Variants in SPRY3 observed in about 807,000 individuals in gnomAD.
SPRY3 encodes sprouty RTK signaling antagonist 3, also known as protein sprouty homolog 3.
A neutral mutation model predicts 20.2 loss-of-function variants in SPRY3; 15 were observed. The observed-to-expected ratio is 0.74, with a 90% CI of 0.50 to 1.14. The LOEUF (loss-of-function observed/expected upper bound fraction) is 1.14. SPRY3 is among the 50% of genes most tolerant of loss of function. SPRY3 has a pLI of 0.00. For missense variants in SPRY3, 364 were observed against 363.9 expected (o/e 1.00, Z 0.00); for synonymous variants, 143 against 136.5 (o/e 1.05, Z -0.33).
chrX:155,720,158 C>A (rs2091047247), intron 2 of SPRY3, among the ~76,000 whole-genome samples: 1 of 152,128 alleles, frequency 6.6e-6, no homozygotes, highest in South Asian at 2.1e-4. Context: ...AGTAGTCTGA[C>A]AATACTCCTC....
chrX:155,638,428 C>T (rs2067931545), intron 1 of SPRY3, among the ~76,000 whole-genome samples: 1 of 98,877 alleles, frequency 1.0e-5, no homozygotes, highest in Non-Finnish European at 2.0e-5. Flanking sequence ...TCTGCAGTGC[C>T]ACCTTTGTAA....
chrX:155,692,343 T>C (rs1056907528), intron 2 of SPRY3, among the ~76,000 whole-genome samples: 4 of 111,386 alleles, frequency 3.6e-5, no homozygotes, highest in African/African-American at 1.3e-4. Context: ...CGTTGAATCT[T>C]TGTAGAAAAT....
intron 2 of SPRY3, among the ~76,000 whole-genome samples, chrX:155,672,527 G>T (rs192928198): frequency 0.045 from 4,938 of 110,940 alleles, 282 homozygotes; most frequent in African/African-American, 0.16. Context: ...ACCATCTCAC[G>T]CCAGGTAGAA....
chrX:155,765,839 T>C (rs2091324645), intron 2 of SPRY3, among the ~76,000 whole-genome samples: 1 of 152,204 alleles, frequency 6.6e-6, no homozygotes, highest in Non-Finnish European at 1.5e-5. Context: ...AACAATTTCT[T>C]AACATTCATA....
intron 1 of SPRY3, among the ~76,000 whole-genome samples, chrX:155,638,326 A>AAAGTT (rs1569562429): frequency 2.2e-3 from 3 of 1,357 alleles, no homozygotes; most frequent in Non-Finnish European, 5.8e-3. Context: ...ATATATATAT[A>AAAGTT]TATATATATA....
chrX:155,766,402 G>C (rs1489414930), intron 2 of SPRY3, among the ~76,000 whole-genome samples: 1 of 152,120 alleles, frequency 6.6e-6, no homozygotes, highest in African/African-American at 2.4e-5. Flanking sequence ...GAAGAAAATT[G>C]CTAAGGTCAC....
chrX:155,765,715 A>T (rs935288662), intron 2 of SPRY3, among the ~76,000 whole-genome samples: 1 of 152,206 alleles, frequency 6.6e-6, no homozygotes. Flanking sequence ...AGAGTAAAGG[A>T]GGGAAAGGAA....
At chrX:155,729,315 C>CA (rs893176311) in intron 2 of SPRY3, among the ~76,000 whole-genome samples, 14 of 151,510 alleles carry the variant, frequency 9.2e-5, no homozygotes, top group African/African-American at 3.1e-4. Context: ...TTTGGGGTAA[C>CA]AAAAAAAGGC....
chrX:155,704,888 T>G (rs2090939205), intron 2 of SPRY3, among the ~76,000 whole-genome samples: 1 of 151,492 alleles, frequency 6.6e-6, no homozygotes, highest in Admixed American at 6.6e-5. Context: ...GAATAATTTG[T>G]CAACCCAGGA....
intron 3 of SPRY3, among the ~76,000 whole-genome samples, chrX:155,773,307 G>GTTTTATATATATATATATATAT (rs4013148): frequency 8.3e-6 from 1 of 120,740 alleles, no homozygotes; most frequent in African/African-American, 3.1e-5. Flanking sequence ...ATTTTGATTG[G>GTTTTATATATATATATATATAT]ATATATATAT....
intron 3 of SPRY3, among the ~76,000 whole-genome samples, chrX:155,768,654 C>T (rs2091362555): frequency 6.6e-6 from 1 of 152,112 alleles, no homozygotes; most frequent in Non-Finnish European, 1.5e-5. Context: ...ACGGCAGAAC[C>T]CCCCACTTAC....
chrX:155,622,284 G>A (rs1184135770), intron 1 of SPRY3, among the ~76,000 whole-genome samples: 1 of 112,240 alleles, frequency 8.9e-6, no homozygotes, highest in Non-Finnish European at 1.9e-5. Context: ...CATCCCTGAA[G>A]GATTGTGGGT....
In SPRY3 at chrX:155,649,985, A is replaced by G. The variant is rs1180642963; in HGVS notation, c.-440-6882A>G. ...CTATATACCAATAATAGAGAGCCAAATCATGAGTGAACTCCCATTCACAAT... is the reference window on the plus strand; with the variant it reads ...CTATATACCAATAATAGAGAGCCAAGTCATGAGTGAACTCCCATTCACAAT... On this transcript the variant is annotated intron_variant, in intron 1 of 3. Coordinates refer to ENST00000675360, the Ensembl canonical transcript of SPRY3. Among the ~76,000 whole-genome samples the G allele has an allele frequency of 6.3e-5, 7 of 111,747 alleles. No individual in the cohort carries two copies. The Admixed American group carries it at 6.7e-4, about 11-fold the overall frequency.
At chrX:155,726,984 C>A (rs1318491920) in intron 2 of SPRY3, among the ~76,000 whole-genome samples, 1 of 151,414 alleles carries the variant, frequency 6.6e-6, no homozygotes, top group East Asian at 1.9e-4. Context: ...ATGTTTAGTG[C>A]TTCCTTCAGG....
chrX:155,667,997 C>T (rs1222699643), intron 2 of SPRY3, among the ~76,000 whole-genome samples: 2 of 100,394 alleles, frequency 2.0e-5, no homozygotes, highest in Admixed American at 1.1e-4. Flanking sequence ...GAATCTTATA[C>T]GTTGCTGGTG....
At chrX:155,699,244 G>A (rs1348163090) in intron 2 of SPRY3, among the ~76,000 whole-genome samples, 1 of 111,386 alleles carries the variant, frequency 9.0e-6, no homozygotes, top group Non-Finnish European at 1.9e-5. Context: ...GCAAACAGTT[G>A]GCCCGTATCT....
At chrX:155,768,608 A>G (rs1260709407) in intron 3 of SPRY3, among the ~76,000 whole-genome samples, 1 of 152,116 alleles carries the variant, frequency 6.6e-6, no homozygotes, top group East Asian at 1.9e-4. Flanking sequence ...ATTTCATCAC[A>G]TCACCTTGCC....
chrX:155,723,869 C>T (rs2091079534), intron 2 of SPRY3, among the ~76,000 whole-genome samples: 1 of 152,120 alleles, frequency 6.6e-6, no homozygotes, highest in Admixed American at 6.5e-5. Flanking sequence ...ATGCCTATGT[C>T]CTGAATGGTA....
At chrX:155,730,263 T>A (rs1309149695) in intron 2 of SPRY3, among the ~76,000 whole-genome samples, 4 of 152,270 alleles carry the variant, frequency 2.6e-5, no homozygotes, top group South Asian at 4.1e-4. Context: ...ACATCCCTGA[T>A]GAACATTGAT....
Sources: gnomAD v4.1 joint callset for allele counts (sites outside exome capture counted in the v4.1 genomes callset) on GRCh38, gnomAD v4.1.1 for gene constraint, MANE v1.5 for transcripts, NCBI Gene and HGNC (gene_info 2026-07-23, HGNC 2026-07-21) for gene names.